The following PTPRK variants were observed in gnomAD, a reference collection of about 807,000 sequenced individuals.
The protein encoded by PTPRK is receptor-type tyrosine-protein phosphatase kappa.
PTPRK carries 75 observed loss-of-function variants against 178.0 expected under a neutral mutation model. That is an observed-to-expected ratio of 0.42 (90% confidence interval 0.35 to 0.51). The LOEUF is 0.51. PTPRK is among the 20% of genes least tolerant of loss of function. The pLI is 0.02. For missense variants in PTPRK, 1,441 were observed against 1,797.8 expected (o/e 0.80, Z 3.59); for synonymous variants, 637 against 620.6 (o/e 1.03, Z -0.39).
chr6:128,372,468 A>T (rs747914598), intron 2 of PTPRK, among the ~76,000 whole-genome samples: 50 of 152,212 alleles, frequency 3.3e-4, no homozygotes, highest in Non-Finnish European at 6.5e-4. Flanking sequence ...CATTCAATGT[A>T]TCAGGAAAAC....
chr6:128,221,422 G>C (rs1356011676), intron 5 of PTPRK, among the ~76,000 whole-genome samples: 2 of 151,802 alleles, frequency 1.3e-5, no homozygotes, highest in African/African-American at 4.8e-5. Flanking sequence ...TACTTGGGAG[G>C]CTGAGGCAGG....
chr6:128,432,745 A>AACACACACACACAC (rs4053237), intron 1 of PTPRK, among the ~76,000 whole-genome samples: 1,522 of 146,326 alleles, frequency 0.01, 26 homozygotes, highest in African/African-American at 0.035. Flanking sequence ...TGTGTTCACA[A>AACACACACACACAC]ACACACACAC....
At chr6:128,392,906 A>G (rs1839797265) in intron 2 of PTPRK, among the ~76,000 whole-genome samples, 1 of 150,708 alleles carries the variant, frequency 6.6e-6, no homozygotes, top group Non-Finnish European at 1.5e-5. Flanking sequence ...AACTCAATAT[A>G]ATGTTTGGTA....
intron 18 of PTPRK, 38 bp downstream of exon 18, chr6:127,995,424 C>G: frequency 6.7e-7 from 1 of 1,491,954 alleles, no homozygotes; most frequent in Non-Finnish European, 9.3e-7. Flanking sequence ...TATATATAAG[C>G]CAATAAAGTA....
intron 6 of PTPRK, among the ~76,000 whole-genome samples, chr6:128,194,241 A>C (rs943184782): frequency 2.6e-5 from 4 of 151,664 alleles, no homozygotes; most frequent in African/African-American, 9.7e-5. Context: ...GCGTGCCACT[A>C]TGCCAGGCTA....
chr6:128,197,184 CTTTTT>C (rs5879879), intron 6 of PTPRK, among the ~76,000 whole-genome samples: 1 of 138,650 alleles, frequency 7.2e-6, no homozygotes, highest in Non-Finnish European at 1.5e-5. Flanking sequence ...TTGTTTTTTT[CTTTTT>C]TTTTTTTTTG....
At chr6:128,518,478 G>T (rs1858429370) in intron 1 of PTPRK, among the ~76,000 whole-genome samples, 1 of 152,180 alleles carries the variant, frequency 6.6e-6, no homozygotes, top group Non-Finnish European at 1.5e-5. Flanking sequence ...GACATTAATA[G>T]TTGCAACTCT....
At chr6:128,011,841 A>C (rs1583636843) in intron 13 of PTPRK, among the ~76,000 whole-genome samples, 1 of 151,270 alleles carries the variant, frequency 6.6e-6, no homozygotes, top group East Asian at 1.9e-4. Flanking sequence ...TTGCAGGTAT[A>C]CCAAGAGTAC....
At chr6:128,445,039 G>A (rs1846761076) in intron 1 of PTPRK, among the ~76,000 whole-genome samples, 1 of 151,346 alleles carries the variant, frequency 6.6e-6, no homozygotes, top group Non-Finnish European at 1.5e-5. Flanking sequence ...GGCACACACT[G>A]ATGCTCAAAA....
chr6:128,333,321 T>A (rs539553552), intron 2 of PTPRK, among the ~76,000 whole-genome samples: 20 of 152,258 alleles, frequency 1.3e-4, no homozygotes, highest in Admixed American at 1.2e-3. Flanking sequence ...GCACAACACA[T>A]CTATGATTTC....
chr6:128,047,179 TCTA>T (rs1778177611), intron 13 of PTPRK, among the ~76,000 whole-genome samples: 1 of 152,202 alleles, frequency 6.6e-6, no homozygotes, highest in Non-Finnish European at 1.5e-5. Flanking sequence ...TGCATGTACT[TCTA>T]CTCTTTTGTA....
At chr6:128,163,764 A>G (rs1235502620) in intron 7 of PTPRK, among the ~76,000 whole-genome samples, 2 of 151,530 alleles carry the variant, frequency 1.3e-5, no homozygotes, top group Non-Finnish European at 3.0e-5. Context: ...GTAATTTCAA[A>G]GTAGTGAACA....
intron 2 of PTPRK, among the ~76,000 whole-genome samples, chr6:128,354,643 G>C (rs1833724503): frequency 2.6e-5 from 4 of 152,122 alleles, no homozygotes. Flanking sequence ...CAATAAGAAT[G>C]GTTAACATGA....
intron 13 of PTPRK, among the ~76,000 whole-genome samples, chr6:128,012,164 G>C (rs1034504529): frequency 6.6e-6 from 1 of 151,262 alleles, no homozygotes; most frequent in Non-Finnish European, 1.5e-5. Context: ...GTCTTTAGCT[G>C]TGGCATTTAT....
chr6:128,117,488 T>C (rs1022407360), intron 7 of PTPRK, among the ~76,000 whole-genome samples: 4 of 152,160 alleles, frequency 2.6e-5, no homozygotes, highest in African/African-American at 9.7e-5. Flanking sequence ...TTGAATCCAT[T>C]GGCAACAAAA....
chr6:128,272,188 A>T (rs1482070723), intron 3 of PTPRK, among the ~76,000 whole-genome samples: 5 of 152,126 alleles, frequency 3.3e-5, no homozygotes, highest in Admixed American at 2.6e-4. Context: ...CCTTCCTTAC[A>T]CCTTATATAA....
chr6:128,226,027 T>A (rs1403738495), intron 5 of PTPRK, among the ~76,000 whole-genome samples: 1 of 152,094 alleles, frequency 6.6e-6, no homozygotes, highest in Non-Finnish European at 1.5e-5. Flanking sequence ...CTAGGAAGCA[T>A]GAGTATCTTT....
intron 1 of PTPRK, among the ~76,000 whole-genome samples, chr6:128,502,875 G>A (rs1372482801): frequency 2.6e-5 from 4 of 152,016 alleles, no homozygotes; most frequent in Admixed American, 2.0e-4. Context: ...ATGTCACATT[G>A]GTCCTTTGAA....
intron 21 of PTPRK, among the ~76,000 whole-genome samples, 198 bp downstream of exon 21, chr6:127,990,571 C>A: frequency 6.6e-6 from 1 of 151,914 alleles, no homozygotes; most frequent in Non-Finnish European, 1.5e-5. Flanking sequence ...GCTCTAAGAT[C>A]CACACGAGGC....
Sources: gnomAD v4.1 joint callset for allele counts (sites outside exome capture counted in the v4.1 genomes callset) on GRCh38, gnomAD v4.1.1 for gene constraint, MANE v1.5 for transcripts, NCBI Gene and HGNC (gene_info 2026-07-23, HGNC 2026-07-21) for gene names.